The following ABCC2 variants were observed in gnomAD, a reference collection of about 807,000 sequenced individuals.
ABCC2 encodes ATP binding cassette subfamily C member 2.
In ABCC2, 157 loss-of-function variants were observed where a neutral mutation model predicts 173.4. That is an observed-to-expected ratio of 0.91 (90% CI 0.80 to 1.03). ABCC2 has a LOEUF of 1.03. Among genes scored for constraint, ABCC2 ranks in the 50% least tolerant of loss-of-function variants. The probability of loss-of-function intolerance (pLI) is 0.00; values close to 1 mark genes in which losing one functional copy is unlikely to be tolerated. For missense variants in ABCC2, 1,822 were observed against 1,852.3 expected (o/e 0.98, Z 0.30); for synonymous variants, 657 against 693.5 (o/e 0.95, Z 0.83).
intron 14 of ABCC2, among the ~76,000 whole-genome samples, chr10:99,811,228 G>A (rs1223885795): frequency 5.3e-5 from 8 of 151,968 alleles, no homozygotes. Flanking sequence ...CTACCTGGAG[G>A]CTGAGGTCGG....
chr10:99,799,205 A>C lies in ABCC2; in HGVS notation c.868-2A>C. Reference sequence around the variant, plus strand: ...GACACTGTTGTTTGGTTTTGTACCTAGGAAGATGTTGAAAAGAAAAAAAAG... The same window carrying C: ...GACACTGTTGTTTGGTTTTGTACCTCGGAAGATGTTGAAAAGAAAAAAAAG... On this transcript the variant is annotated splice_acceptor_variant, in intron 7 of 31. Coordinates refer to ENST00000647814, the MANE Select transcript of ABCC2 (RefSeq NM_000392.5). LOFTEE classifies it high-confidence loss of function. 1 of 1,614,012 alleles carries C rather than the reference A, an allele frequency of 6.2e-7. No homozygotes were observed. Among genetic ancestry groups the C allele is most frequent in the Middle Eastern group, 1.7e-4 (1 of 6,060 alleles).
At chr10:99,848,464 C>G (rs1257982269) in intron 30 of ABCC2, among the ~76,000 whole-genome samples, 1 of 152,148 alleles carries the variant, frequency 6.6e-6, no homozygotes. Flanking sequence ...CCCCAGGGGC[C>G]TCAGTGGTGG....
At chr10:99,784,472 C>A in intron 1 of ABCC2, 136 bp from the exon 2 acceptor site, 1 of 956,270 alleles carries the variant, frequency 1.0e-6, no homozygotes. Flanking sequence ...TAGGAAAATA[C>A]GGATAGTTAA....
chr10:99,794,644 A>C, intron 6 of ABCC2, 176 bp downstream of exon 6: 1 of 601,986 alleles, frequency 1.7e-6, no homozygotes, highest in Non-Finnish European at 2.9e-6. Flanking sequence ...TCCTGGGTTC[A>C]AGTGATTATC....
At position 99,800,488 on chromosome 10, in the gene ABCC2, T is replaced by C; in HGVS notation, c.1134T>C (p.Leu378=). The C allele has an allele frequency of 6.2e-7, 1 of 1,614,208 alleles. No individual in the cohort carries two copies. Among genetic ancestry groups the C allele is most frequent in the Non-Finnish European group, 8.5e-7 (1 of 1,180,036 alleles). ...CGGCTCTCATTCAGTCTTTCTGCCT[T>C]CAGTGTTATTTCCAACTGTGCTTCA... ...FTAALIQSFC[L]QCYFQLCFKL... The change falls in exon 9 of 32, where the codon CTT becomes CTC. Residue 378 remains leucine (L), a synonymous_variant. Transcript: ENST00000647814.
chr10:99,850,623 G>C lies in ABCC2; in HGVS notation c.4335G>C (p.Leu1445=), dbSNP rs2039074420. 1 of 1,614,188 alleles carries C rather than the reference G, an allele frequency of 6.2e-7. No individual in the cohort carries two copies. The highest frequency in any genetic ancestry group is 8.5e-7 in the Non-Finnish European group (1 of 1,180,044). Residue 1445 remains leucine, a synonymous_variant, in exon 31 of 32, where the codon CTG becomes CTC. Transcript: ENST00000647814. ...GNLSIGQRQL[L]CLGRALLRKS... is the part of the protein sequence containing the mutation. ...GCAGCATAGGCCAGAGGCAGCTGCT[G>C]TGCCTGGGCAGGGCTCTGCTTCGGA...
At chr10:99,785,046 A>G (rs2037682265) in intron 2 of ABCC2, among the ~76,000 whole-genome samples, 1 of 152,136 alleles carries the variant, frequency 6.6e-6, no homozygotes, top group African/African-American at 2.4e-5. Context: ...AATCAATCAA[A>G]TTATCTTTAT....
chr10:99,784,560 T>C, intron 1 of ABCC2, 48 bp from the exon 2 acceptor site: 1 of 1,606,904 alleles, frequency 6.2e-7, no homozygotes, highest in African/African-American at 1.3e-5. Flanking sequence ...GGTGGTTTTC[T>C]GTCTTCACAA....
chr10:99,791,227 G>A (rs2037806494), intron 2 of ABCC2, among the ~76,000 whole-genome samples: 1 of 152,090 alleles, frequency 6.6e-6, no homozygotes, highest in South Asian at 2.1e-4. Flanking sequence ...GGCCAACATG[G>A]TAAAATCCTG....
intron 30 of ABCC2, among the ~76,000 whole-genome samples, chr10:99,849,761 T>C (rs1241681931): frequency 6.6e-6 from 1 of 152,224 alleles, no homozygotes; most frequent in Non-Finnish European, 1.5e-5. Context: ...ACTTCTCATC[T>C]CCTGCAGAAA....
intron 29 of ABCC2, among the ~76,000 whole-genome samples, chr10:99,846,034 G>A (rs2133150159): frequency 6.6e-6 from 1 of 152,300 alleles, no homozygotes; most frequent in African/African-American, 2.4e-5. Flanking sequence ...TACAGCAGAC[G>A]ATTCTTTAGC....
chr10:99,830,600 TC>T lies in ABCC2; in HGVS notation c.2748-112del. ...GGGAAAGATCGGGGTTGTGTCAGTTTCCCCTGGTCATCTGCCCTGAAATGCG... is the reference window on the plus strand; with the variant it reads ...GGGAAAGATCGGGGTTGTGTCAGTTTCCCTGGTCATCTGCCCTGAAATGCG... On this transcript the variant is annotated intron_variant, in intron 20 of 31. Transcript: ENST00000647814. The T allele has an allele frequency of 1.9e-6, 3 of 1,574,780 alleles. No homozygotes were observed. The South Asian group carries it at 3.3e-5, about 18-fold the overall frequency.
At chr10:99,815,504 T>G (rs189429379) in intron 16 of ABCC2, among the ~76,000 whole-genome samples, 452 of 149,696 alleles carry the variant, frequency 3.0e-3, no homozygotes, top group Non-Finnish European at 5.5e-3. Flanking sequence ...CTAATTATGC[T>G]TTTTTTTTTA....
chr10:99,816,918 G>A (rs779213023), intron 16 of ABCC2, among the ~76,000 whole-genome samples: 6 of 152,060 alleles, frequency 3.9e-5, no homozygotes. Flanking sequence ...CCACAAAACC[G>A]GTCCCTGGTG....
Position 99,850,919 on chromosome 10 carries a change from T to C in ABCC2, c.4508+123T>C. ...ACCACCACATTACTGATGAAGAAAC[T>C]GAGACTTAGAGATGTCAAGTAATCT... On this transcript the variant is annotated intron_variant, in intron 31 of 31. Coordinates refer to ENST00000647814, the MANE Select transcript of ABCC2 (RefSeq NM_000392.5). 3 of 1,235,354 alleles carry C rather than the reference T, an allele frequency of 2.4e-6. No individual in the cohort carries two copies. In the African/African-American group the frequency reaches 4.4e-5, roughly 18 times the overall value. 76.5% of individuals were successfully genotyped at this position (1,235,354 alleles called of 1,614,324 possible).
intron 3 of ABCC2, among the ~76,000 whole-genome samples, chr10:99,792,852 G>A (rs769714129): frequency 1.3e-5 from 2 of 152,126 alleles, no homozygotes; most frequent in African/African-American, 2.4e-5. Flanking sequence ...CAATTCAGTG[G>A]CAACTAATGA....
At chr10:99,815,049 T>C (rs148523386) in intron 16 of ABCC2, among the ~76,000 whole-genome samples, 3,309 of 151,904 alleles carry the variant, frequency 0.022, 134 homozygotes, top group African/African-American at 0.074. Context: ...ACATGTGCCA[T>C]GGTGGTTTGC....
rs1276070108 is a variant in ABCC2 at position 99,851,830 on chromosome 10, C to T, written c.*199C>T. 6 of 494,774 alleles carry T rather than the reference C, an allele frequency of 1.2e-5. No individual in the cohort carries two copies. The highest frequency in any genetic ancestry group is 1.7e-5 in the Non-Finnish European group (5 of 289,738). The allele number at this position is 494,774 out of a possible 1,614,324, so 30.6% of individuals were successfully genotyped here. ...CTTGAGAAACCCCTCGATTGTCTAC[C>T]TCGATCGTACTTCCTTGCTACCCAC... is the stretch of plus-strand genomic sequence containing the variant. On this transcript the variant is annotated 3_prime_UTR_variant, in exon 32 of 32. Coordinates refer to ENST00000647814, the MANE Select transcript of ABCC2 (RefSeq NM_000392.5).
rs199859869 is a variant in ABCC2 at position 99,813,143 on chromosome 10, A to G, written c.2093A>G (p.Lys698Arg). ...MENVHGHITIKGTTAYVPQQS... is the reference protein window; with the variant it reads ...MENVHGHITIRGTTAYVPQQS... ...AATGTCCACGGGCACATCACCATCA[A>G]GGTGAGAGGGAATGCCAATGCAAAA... Residue 698 changes from lysine (K) to arginine (R), a missense_variant and splice_region_variant, in exon 16 of 32, where the codon AAG becomes AGG. Lys to Arg is a conservative substitution (Grantham distance 26). Coordinates refer to ENST00000647814, the MANE Select transcript of ABCC2 (RefSeq NM_000392.5). 9.2e-5 allele frequency: 149 copies of G among 1,613,544 alleles called. 1 individual carries two copies. Among genetic ancestry groups the G allele is most frequent in the Middle Eastern group, 3.4e-4 (2 of 5,946 alleles).
Sources: gnomAD v4.1 joint callset for allele counts (sites outside exome capture counted in the v4.1 genomes callset) on GRCh38, gnomAD v4.1.1 for gene constraint, MANE v1.5 for transcripts, NCBI Gene and HGNC (gene_info 2026-07-23, HGNC 2026-07-21) for gene names.